The following C2CD5 variants were observed in gnomAD, a reference collection of about 807,000 sequenced individuals.
C2CD5 encodes C2 domain-containing protein 5.
A neutral mutation model predicts 130.3 loss-of-function variants in C2CD5; 109 were observed. The observed-to-expected ratio is 0.84, with a 90% CI of 0.72 to 0.98. The LOEUF is 0.98. Ranked by LOEUF, C2CD5 falls within the 50% of genes least tolerant of loss-of-function variation. C2CD5 has a pLI of 0.00. For synonymous variants in C2CD5, 454 were observed against 429.2 expected (o/e 1.06, Z -0.71); for missense variants, 996 against 1,261.8 (o/e 0.79, Z 3.19).
At chr12:22,541,054 T>G (rs914374908) in intron 2 of C2CD5, among the ~76,000 whole-genome samples, 1 of 152,194 alleles carries the variant, frequency 6.6e-6, no homozygotes, top group Admixed American at 6.5e-5. Flanking sequence ...TGTGTGCTCA[T>G]TTTTAACTCA....
rs752483173 is a variant in C2CD5, at chr12:22,449,764, G to T, written c.3152C>A (p.Thr1051Asn). 4.4e-6 allele frequency: 7 copies of T among 1,586,056 alleles called. No individual in the cohort carries two copies. The Admixed American group carries it at 8.4e-5, about 19-fold the overall frequency. Reference protein sequence around the residue: ...QSSCTEGEVTT With the variant: ...QSSCTEGEVTN ...GCTCTTTTTTCCTAATTTTCCTCAG[G>T]TTGTAACTTCGCCTTCAGTACATGA... The change falls in exon 27 of 27, where the codon ACC becomes AAC. Residue 1051 changes from threonine (T) to asparagine (N), a missense_variant. Transcript: ENST00000446597.
At chr12:22,506,842 A>T in intron 9 of C2CD5, 23 bp from the exon 10 acceptor site, 2 of 1,377,138 alleles carry the variant, frequency 1.5e-6, no homozygotes, top group Non-Finnish European at 2.1e-6. Flanking sequence ...ATAAGGGAAA[A>T]ATACAACTTA....
intron 22 of C2CD5, among the ~76,000 whole-genome samples, chr12:22,462,020 G>A (rs780644165): frequency 9.2e-5 from 14 of 152,146 alleles, no homozygotes; most frequent in Non-Finnish European, 1.9e-4. Flanking sequence ...CAGGCCCTCT[G>A]CTCCTCCTGA....
chr12:22,517,344 A>C (rs915472525), intron 8 of C2CD5, among the ~76,000 whole-genome samples: 2 of 151,818 alleles, frequency 1.3e-5, no homozygotes, highest in African/African-American at 4.8e-5. Context: ...CTAAGGTATA[A>C]AGAACTAATC....
chr12:22,476,777 C>A lies in C2CD5; in HGVS notation c.1902+1536G>T, dbSNP rs562487240. ...AGGATGGATTTACAGAGGTGAGAAA[C>A]ACTATTAAGTAAGTAAAAAAGTTCA... On this transcript the variant is annotated intron_variant, in intron 15 of 26. Coordinates refer to ENST00000446597, the MANE Select transcript of C2CD5 (RefSeq NM_001286176.2). 5.9e-5 allele frequency among the ~76,000 whole-genome samples: 9 copies of A among 152,112 alleles called. No homozygotes were observed. In the East Asian group the frequency reaches 1.5e-3, roughly 26 times the overall value.
At chr12:22,481,701 T>C (rs1176964336) in intron 14 of C2CD5, among the ~76,000 whole-genome samples, 1 of 146,190 alleles carries the variant, frequency 6.8e-6, no homozygotes, top group African/African-American at 2.5e-5. Flanking sequence ...GTCGCCTCGG[T>C]TGGAGTGCAG....
intron 3 of C2CD5, among the ~76,000 whole-genome samples, chr12:22,528,763 C>T (rs2137111837): frequency 6.6e-6 from 1 of 152,280 alleles, no homozygotes. Context: ...ATCATTCTTA[C>T]ATATGCTTTG....
At chr12:22,461,346 C>T (rs1017803018) in intron 22 of C2CD5, among the ~76,000 whole-genome samples, 5 of 152,042 alleles carry the variant, frequency 3.3e-5, no homozygotes, top group African/African-American at 9.7e-5. Flanking sequence ...GAAAGAGGAA[C>T]GGCTTAAAAA....
chr12:22,516,705 A>C (rs1220407011), intron 8 of C2CD5, among the ~76,000 whole-genome samples: 1 of 151,628 alleles, frequency 6.6e-6, no homozygotes, highest in Non-Finnish European at 1.5e-5. Context: ...CTGTGGACCA[A>C]AGTCTCAAAA....
At chr12:22,524,777 G>A in intron 5 of C2CD5, 150 bp from the exon 6 acceptor site, 1 of 591,970 alleles carries the variant, frequency 1.7e-6, no homozygotes, top group Non-Finnish European at 2.9e-6. Context: ...AATACTTCCA[G>A]TCTTCTAAGA....
At chr12:22,485,390 G>A (rs1269168029) in intron 12 of C2CD5, among the ~76,000 whole-genome samples, 1 of 151,866 alleles carries the variant, frequency 6.6e-6, no homozygotes, top group Non-Finnish European at 1.5e-5. Flanking sequence ...CCTAGCGTTT[G>A]ATAGCACAAC....
At chr12:22,471,678 C>T (rs541892513) in intron 19 of C2CD5, among the ~76,000 whole-genome samples, 190 bp from the exon 20 acceptor site, 2 of 151,632 alleles carry the variant, frequency 1.3e-5, no homozygotes, top group East Asian at 1.9e-4. Flanking sequence ...AAGATTTAAT[C>T]GTCAATAAGT....
intron 10 of C2CD5, among the ~76,000 whole-genome samples, chr12:22,505,168 T>C (rs1418768194): frequency 2.0e-5 from 3 of 151,928 alleles, no homozygotes; most frequent in Non-Finnish European, 4.4e-5. Context: ...TTTTAAAAAA[T>C]AGTAATGCTC....
chr12:22,472,636 C>T (rs1591988297), intron 17 of C2CD5, 108 bp downstream of exon 17: 1 of 775,812 alleles, frequency 1.3e-6, no homozygotes, highest in Non-Finnish European at 2.3e-6. Flanking sequence ...CAAGCTGTGA[C>T]ACTGTGATAA....
At position 22,544,344 on chromosome 12, in the gene C2CD5, C is replaced by T. The variant is rs749070435; in HGVS notation, c.-54G>A. 7.4e-4 allele frequency: 365 copies of T among 493,768 alleles called. 1 individual carries two copies. Among genetic ancestry groups the T allele is most frequent in the Non-Finnish European group, 1.1e-3 (314 of 282,718 alleles). 30.6% of individuals were successfully genotyped at this position (493,768 alleles called of 1,614,324 possible). A position where few individuals can be genotyped will look rare whatever the true frequency, so the allele number is the denominator to read the frequency against. The stretch of plus-strand genomic sequence containing the variant: ...CTGTCGCAGGAGGAAGGGTGCTGTC[C>T]CGCGCGGGTGCTGAGACCTCATTCC... On this transcript the variant is annotated 5_prime_UTR_variant, in exon 1 of 27. Transcript: ENST00000446597.
In C2CD5 at chr12:22,503,749, C is replaced by T. The variant is rs376143196; in HGVS notation, c.1147+2962G>A. Among the ~76,000 whole-genome samples, 28 of 152,166 alleles carry T rather than the reference C, an allele frequency of 1.8e-4. No homozygotes were observed. The South Asian group carries it at 4.4e-3, about 24-fold the overall frequency. On this transcript the variant is annotated intron_variant, in intron 10 of 26. Transcript: ENST00000446597. ...CCGGTCTCAAACCCCTGAGCTCATGCGATCTGCCCGCCTTGGCCTCCCAAA... is the reference window on the plus strand; with the variant it reads ...CCGGTCTCAAACCCCTGAGCTCATGTGATCTGCCCGCCTTGGCCTCCCAAA...
At chr12:22,496,891 T>C (rs1947091185) in intron 10 of C2CD5, among the ~76,000 whole-genome samples, 1 of 152,024 alleles carries the variant, frequency 6.6e-6, no homozygotes, top group African/African-American at 2.4e-5. Flanking sequence ...TCAGAATTCA[T>C]TAATTTTTAC....
chr12:22,509,294 T>C (rs1299266862), intron 9 of C2CD5, among the ~76,000 whole-genome samples: 1 of 152,176 alleles, frequency 6.6e-6, no homozygotes, highest in Middle Eastern at 3.2e-3. Context: ...TATTAGAAAA[T>C]ATTTTCATAT....
chr12:22,464,079 C>T (rs1400180118), intron 22 of C2CD5, among the ~76,000 whole-genome samples: 8 of 152,032 alleles, frequency 5.3e-5, no homozygotes, highest in Non-Finnish European at 7.4e-5. Context: ...TGATCTATAA[C>T]GATACTCAAA....
Sources: allele counts gnomAD v4.1 joint callset (sites outside exome capture counted in the v4.1 genomes callset), GRCh38; gene constraint gnomAD v4.1.1; transcripts MANE v1.5; gene names NCBI Gene and HGNC (gene_info 2026-07-23, HGNC 2026-07-21).